The following PTPRD variants were observed in gnomAD, a reference collection of about 807,000 sequenced individuals.
PTPRD encodes the protein receptor-type tyrosine-protein phosphatase delta.
Under a neutral mutation model 214.5 loss-of-function variants are expected in PTPRD, and 34 were observed. That is an observed-to-expected ratio of 0.16 (90% CI 0.12 to 0.21). PTPRD has a LOEUF of 0.21. Ranked by LOEUF, PTPRD falls within the 10% of genes least tolerant of loss-of-function variation. PTPRD has a pLI of 1.00. For synonymous variants in PTPRD, 1,128 were observed against 845.7 expected (o/e 1.33, Z -5.79); for missense variants, 2,545 against 2,398.7 (o/e 1.06, Z -1.27).
At chr9:10,221,774 G>A (rs2099571967) in intron 3 of PTPRD, among the ~76,000 whole-genome samples, 1 of 151,362 alleles carries the variant, frequency 6.6e-6, no homozygotes, top group African/African-American at 2.4e-5. Flanking sequence ...AGTGTTCATG[G>A]CTAAAAAACT....
chr9:8,421,265 T>C (rs895870252), intron 35 of PTPRD, among the ~76,000 whole-genome samples: 1 of 152,102 alleles, frequency 6.6e-6, no homozygotes, highest in Admixed American at 6.5e-5. Flanking sequence ...TCCTCCCTCT[T>C]TCTCTCATTC....
At chr9:10,589,555 G>A (rs984714999) in intron 2 of PTPRD, among the ~76,000 whole-genome samples, 14 of 152,050 alleles carry the variant, frequency 9.2e-5, no homozygotes, top group African/African-American at 2.4e-4. Flanking sequence ...TAAAGGGGGA[G>A]AGACAGACAG....
At chr9:10,335,430 C>A (rs2096827902) in intron 3 of PTPRD, among the ~76,000 whole-genome samples, 1 of 151,616 alleles carries the variant, frequency 6.6e-6, no homozygotes, top group Non-Finnish European at 1.5e-5. Flanking sequence ...ATCTTGCACC[C>A]TTAACAAAAG....
At chr9:8,610,565 T>A (rs76689597) in intron 14 of PTPRD, among the ~76,000 whole-genome samples, 4 of 152,124 alleles carry the variant, frequency 2.6e-5, no homozygotes, top group African/African-American at 9.7e-5. Context: ...ACTTAAACCA[T>A]TCTATTTGAA....
At chr9:9,867,789 A>T (rs886257369) in intron 5 of PTPRD, among the ~76,000 whole-genome samples, 1 of 152,150 alleles carries the variant, frequency 6.6e-6, no homozygotes, top group South Asian at 2.1e-4. Flanking sequence ...TTAAAAAGGA[A>T]CTTCCTCCTC....
chr9:8,587,711 G>A (rs2093776922), intron 14 of PTPRD, among the ~76,000 whole-genome samples: 1 of 152,142 alleles, frequency 6.6e-6, no homozygotes, highest in African/African-American at 2.4e-5. Flanking sequence ...TTGGAAAGCT[G>A]TACATGGTCC....
chr9:8,451,594 C>T, intron 33 of PTPRD, among the ~76,000 whole-genome samples: 1 of 152,154 alleles, frequency 6.6e-6, no homozygotes, highest in East Asian at 1.9e-4. Flanking sequence ...CTAAGAGATT[C>T]CTTTTACCAC....
chr9:10,005,423 C>T (rs9969677), intron 4 of PTPRD, among the ~76,000 whole-genome samples: 34,066 of 152,010 alleles, frequency 0.22, 4,780 homozygotes, highest in South Asian at 0.3. Context: ...TAAGTTGCAG[C>T]TCCCTCTCTC....
At chr9:10,608,150 G>C (rs1319943926) in intron 2 of PTPRD, among the ~76,000 whole-genome samples, 2 of 151,820 alleles carry the variant, frequency 1.3e-5, no homozygotes, top group East Asian at 1.9e-4. Flanking sequence ...TATTTAAATT[G>C]TGCATATTTA....
chr9:10,401,236 CTTTAT>C (rs2098264693), intron 2 of PTPRD, among the ~76,000 whole-genome samples: 2 of 151,690 alleles, frequency 1.3e-5, no homozygotes, highest in South Asian at 4.1e-4. Flanking sequence ...AATTGTGCTA[CTTTAT>C]TTTATTTAAT....
At chr9:10,431,442 A>C (rs1038505002) in intron 2 of PTPRD, among the ~76,000 whole-genome samples, 1 of 152,130 alleles carries the variant, frequency 6.6e-6, no homozygotes, top group Non-Finnish European at 1.5e-5. Context: ...AGTGGGATCT[A>C]ATGAAACTAA....
intron 12 of PTPRD, among the ~76,000 whole-genome samples, chr9:8,703,667 G>A (rs2098138265): frequency 1.3e-5 from 2 of 152,066 alleles, no homozygotes; most frequent in South Asian, 2.1e-4. Context: ...CCCAAAGCTT[G>A]GGTCTTGAAC....
intron 11 of PTPRD, among the ~76,000 whole-genome samples, chr9:8,884,506 G>A (rs2098470973): frequency 6.6e-6 from 1 of 152,192 alleles, no homozygotes; most frequent in Admixed American, 6.5e-5. Context: ...GATGAGACTA[G>A]ACATGGCTGG....
At chr9:10,508,734 G>A (rs1314801997) in intron 2 of PTPRD, among the ~76,000 whole-genome samples, 1 of 152,002 alleles carries the variant, frequency 6.6e-6, no homozygotes, top group African/African-American at 2.4e-5. Flanking sequence ...TCATAGGTGG[G>A]AATTGAACAA....
chr9:10,580,699 A>G (rs1026390402), intron 2 of PTPRD, among the ~76,000 whole-genome samples: 1 of 152,188 alleles, frequency 6.6e-6, no homozygotes, highest in African/African-American at 2.4e-5. Flanking sequence ...AAAATTATAA[A>G]TTATAATAGT....
chr9:10,111,725 G>A (rs2098693487), intron 3 of PTPRD, among the ~76,000 whole-genome samples: 1 of 152,040 alleles, frequency 6.6e-6, no homozygotes. Flanking sequence ...AAATATCATG[G>A]ATTTTATAAT....
At chr9:8,804,669 C>T (rs181096301) in intron 11 of PTPRD, among the ~76,000 whole-genome samples, 13 of 137,346 alleles carry the variant, frequency 9.5e-5, no homozygotes, top group South Asian at 2.5e-4. Context: ...ACTGGAGAAA[C>T]GTGTGGCATG....
chr9:8,375,095 G>C (rs1306934412), intron 39 of PTPRD, among the ~76,000 whole-genome samples: 1 of 151,710 alleles, frequency 6.6e-6, no homozygotes, highest in African/African-American at 2.4e-5. Flanking sequence ...TCTCATATTT[G>C]AATTTCTCAG....
chr9:8,950,040 C>T (rs117427201), intron 11 of PTPRD, among the ~76,000 whole-genome samples: 2,757 of 152,156 alleles, frequency 0.018, 46 homozygotes, highest in Non-Finnish European at 0.023. Context: ...ATTCATCAAT[C>T]GTGTTGCAAT....
Sources: allele counts gnomAD v4.1 joint callset (sites outside exome capture counted in the v4.1 genomes callset), GRCh38; gene constraint gnomAD v4.1.1; transcripts MANE v1.5; gene names NCBI Gene and HGNC (gene_info 2026-07-23, HGNC 2026-07-21).